Variants in QTRT1 observed in about 807,000 individuals in gnomAD.
The protein encoded by QTRT1 is queuine tRNA-ribosyltransferase catalytic subunit 1, also known as TGT, 43-KD subunit.
A neutral mutation model predicts 44.0 loss-of-function variants in QTRT1; 41 were observed. The observed-to-expected ratio is 0.93, with a 90% CI of 0.73 to 1.21. The LOEUF is 1.21. Among genes scored for constraint, QTRT1 ranks in the 50% most tolerant of loss-of-function variants. QTRT1 has a pLI of 0.00. For missense variants in QTRT1, 542 were observed against 575.8 expected, an observed-to-expected ratio of 0.94 and a Z score of 0.60; for synonymous variants, 226 against 237.1, an observed-to-expected ratio of 0.95 and a Z score of 0.43.
At chr19:10,703,316 C>T (rs560997159) in intron 3 of QTRT1, among the ~76,000 whole-genome samples, 1 of 152,098 alleles carries the variant, frequency 6.6e-6, no homozygotes, top group South Asian at 2.1e-4. Flanking sequence ...CCTGCTTCGG[C>T]CTCGCAGAGT....
At chr19:10,707,851 A>C (rs770809076) in intron 5 of QTRT1, among the ~76,000 whole-genome samples, 4 of 150,610 alleles carry the variant, frequency 2.7e-5, no homozygotes, top group Non-Finnish European at 3.0e-5. Flanking sequence ...TTTTTTTGAG[A>C]CGGAGTCTCA....
At position 10,713,013 on chromosome 19, in the gene QTRT1, C is replaced by CG; in HGVS notation, c.1032_1033insG (p.Leu345AlafsTer49). 6.2e-7 allele frequency: 1 copy of CG among 1,611,656 alleles called. No individual in the cohort carries two copies. The highest frequency in any genetic ancestry group is 8.5e-7 in the Non-Finnish European group (1 of 1,179,916). On this transcript the variant is annotated frameshift_variant, in exon 9 of 10. Transcript: ENST00000250237. LOFTEE classifies it high-confidence loss of function. This position sits in a 1 kb window ranked among gnomAD's most constrained non-coding sequence, Gnocchi z 4.3. ...GTGACAACACGGCCGCGCTGCACCACCTCACGGTCCACAACATCGCCTACC... is the reference window on the plus strand; with the variant it reads ...GTGACAACACGGCCGCGCTGCACCACGCTCACGGTCCACAACATCGCCTACC...
Position 10,712,967 on chromosome 19 carries a change from T to C in QTRT1, c.986T>C (p.Phe329Ser), listed in dbSNP as rs2068746099. The C allele has an allele frequency of 6.2e-7, 1 of 1,612,798 alleles. No homozygotes were observed. Among genetic ancestry groups the C allele is most frequent in the Non-Finnish European group, 8.5e-7 (1 of 1,179,934 alleles). The change falls in exon 9 of 10, where the codon TTC becomes TCC. Residue 329 changes from phenylalanine to serine, a missense_variant. Physicochemically the swap from Phe to Ser is radical, Grantham distance 155. Coordinates refer to ENST00000250237, the MANE Select transcript of QTRT1 (RefSeq NM_031209.3). The surrounding 1 kb of genome is among the most constrained non-coding windows in gnomAD (Gnocchi z 5.6). ...CPTCQKHSRAFLHALLHSDNT... is the reference protein window; with the variant it reads ...CPTCQKHSRASLHALLHSDNT... ...CCGCTCTACAGGCACAGCCGCGCCT[T>C]CCTGCACGCACTGCTGCACAGTGAC...
chr19:10,702,315 G>A (rs2145617440), intron 3 of QTRT1, 61 bp downstream of exon 3: 6 of 1,570,758 alleles, frequency 3.8e-6, no homozygotes, highest in Non-Finnish European at 5.2e-6. Flanking sequence ...AGTTTACACG[G>A]GGCCTGTTTT....
chr19:10,713,032 G>T lies in QTRT1; in HGVS notation c.1051G>T (p.Ala351Ser), dbSNP rs768481230. Residue 351 changes from alanine to serine, a missense_variant, in exon 9 of 10, where the codon GCC becomes TCC. Transcript: ENST00000250237. This position sits in a 1 kb window ranked among gnomAD's most constrained non-coding sequence, Gnocchi z 4.3. The stretch of plus-strand genomic sequence containing the variant: ...GCACCACCTCACGGTCCACAACATC[G>T]CCTACCAGGTGAGCCAGTGCCCGGG... The part of the protein sequence containing the change: ...ALHHLTVHNI[A>S]YQLQLMSAVR... 2 of 1,610,938 alleles carry T rather than the reference G, an allele frequency of 1.2e-6. No homozygotes were observed. The highest frequency in any genetic ancestry group is 3.3e-5 in the Admixed American group (2 of 59,986).
intron 3 of QTRT1, among the ~76,000 whole-genome samples, chr19:10,702,906 A>AT (rs946276380): frequency 2.9e-4 from 44 of 149,498 alleles, no homozygotes; most frequent in Admixed American, 2.9e-3. Context: ...AGTAGCTGGG[A>AT]TTACAGGTGT....
chr19:10,713,063 G>T lies in QTRT1; in HGVS notation c.1059+23G>T. 6.2e-7 allele frequency: 1 copy of T among 1,609,436 alleles called. No homozygotes were observed. On this transcript the variant is annotated intron_variant, in intron 9 of 9. Transcript: ENST00000250237. The surrounding 1 kb of genome is among the most constrained non-coding windows in gnomAD (Gnocchi z 4.3). Reference sequence around the variant, plus strand: ...CAGGTGAGCCAGTGCCCGGGGCAAGGTGGGCGGGGGTGTCCTAGGTGCGTA... The same window carrying T: ...CAGGTGAGCCAGTGCCCGGGGCAAGTTGGGCGGGGGTGTCCTAGGTGCGTA...
chr19:10,711,966 C>A, intron 5 of QTRT1, 195 bp from the exon 6 acceptor site: 1 of 665,500 alleles, frequency 1.5e-6, no homozygotes, highest in Non-Finnish European at 2.6e-6. Context: ...CCTAGACAGA[C>A]AGACAAACTG....
intron 5 of QTRT1, among the ~76,000 whole-genome samples, chr19:10,710,800 G>A (rs1230583220): frequency 6.6e-6 from 1 of 151,642 alleles, no homozygotes; most frequent in African/African-American, 2.4e-5. Context: ...GTGGGCGACT[G>A]TAGTCCCAGC....
intron 5 of QTRT1, among the ~76,000 whole-genome samples, chr19:10,707,990 C>G (rs2068722549): frequency 6.6e-6 from 1 of 151,184 alleles, no homozygotes; most frequent in South Asian, 2.1e-4. Flanking sequence ...CACTGTCGCC[C>G]AGGCTGGAGT....
At position 10,707,511 on chromosome 19, in the gene QTRT1, G is replaced by C; in HGVS notation, c.542G>C (p.Trp181Ser). The C allele has an allele frequency of 1.1e-5, 17 of 1,612,358 alleles. No individual in the cohort carries two copies. The highest frequency in any genetic ancestry group is 1.4e-5 in the Non-Finnish European group (17 of 1,178,746). The change falls in exon 5 of 10, where the codon TGG becomes TCG. Residue 181 changes from tryptophan to serine, a missense_variant. Physicochemically the swap from Trp to Ser is radical, Grantham distance 177. Coordinates refer to ENST00000250237, the MANE Select transcript of QTRT1 (RefSeq NM_031209.3). Reference protein sequence around the residue: ...VEEAMYRSIRWLDRCIAAHQR... With the variant: ...VEEAMYRSIRSLDRCIAAHQR... ...GGGCCCTGTTGCAGGTCAATCCGCT[G>C]GCTGGACCGGTGCATTGCAGCCCAT...
intron 3 of QTRT1, among the ~76,000 whole-genome samples, chr19:10,703,919 C>T (rs576413979): frequency 6.6e-6 from 1 of 151,776 alleles, no homozygotes; most frequent in South Asian, 2.1e-4. Flanking sequence ...AATCTCAGGT[C>T]ACTGCAACCT....
rs116990820 is a variant in QTRT1 at position 10,706,458 on chromosome 19, C to T, written c.452-844C>T. 5.0e-3 allele frequency among the ~76,000 whole-genome samples: 767 copies of T among 152,102 alleles called. 6 individuals are homozygous for T. Among genetic ancestry groups the T allele is most frequent in the Non-Finnish European group, 8.2e-3 (557 of 67,986 alleles). On this transcript the variant is annotated intron_variant, in intron 3 of 9. Transcript: ENST00000250237. ...TGCAATCTTAGCTCACCGCAACCTC[C>T]GTCTTCCGGGTTCAAGCGATTCTCC...
chr19:10,702,161 G>A lies in QTRT1; in HGVS notation c.358G>A (p.Val120Met), dbSNP rs760643976. 8 of 1,614,124 alleles carry A rather than the reference G, an allele frequency of 5.0e-6. No individual in the cohort carries two copies. Among genetic ancestry groups the A allele is most frequent in the African/African-American group, 2.7e-5 (2 of 75,022 alleles). ...QMVSLVSLSEVTEEGVRFRSP... is the reference protein window; with the variant it reads ...QMVSLVSLSEMTEEGVRFRSP... ...GGTGTCGCTGGTGTCTCTGTCCGAGGTGACGGAGGAGGGCGTCCGCTTCCG... is the reference window on the plus strand; with the variant it reads ...GGTGTCGCTGGTGTCTCTGTCCGAGATGACGGAGGAGGGCGTCCGCTTCCG... The change falls in exon 3 of 10, where the codon GTG becomes ATG. Residue 120 changes from valine to methionine, a missense_variant. Physicochemically the swap from Val to Met is conservative, Grantham distance 21. Transcript: ENST00000250237.
In QTRT1 at chr19:10,707,628, G is replaced by T. The variant is rs112327396; in HGVS notation, c.646+13G>T. The T allele has an allele frequency of 6.4e-7, 1 of 1,573,262 alleles. No homozygotes were observed. Among genetic ancestry groups the T allele is most frequent in the Non-Finnish European group, 8.7e-7 (1 of 1,155,342 alleles). On this transcript the variant is annotated intron_variant, in intron 5 of 9. Coordinates refer to ENST00000250237, the MANE Select transcript of QTRT1 (RefSeq NM_031209.3). ...ACCTGCCTTGAAGGTAGAGCCATGC[G>T]CTGGCAGGCCCAGGGCTTGGCCATC... is the stretch of plus-strand genomic sequence containing the variant.
chr19:10,704,437 G>A (rs996203151), intron 3 of QTRT1, among the ~76,000 whole-genome samples: 1 of 151,010 alleles, frequency 6.6e-6, no homozygotes, highest in Non-Finnish European at 1.5e-5. Context: ...GGGACTACAG[G>A]CACCCGCCAT....
In QTRT1 at chr19:10,712,245, C is replaced by T. The variant is rs780470865; in HGVS notation, c.731C>T (p.Ala244Val). The stretch of plus-strand genomic sequence containing the variant: ...AAGTCGCAGTTCTGGCGGATGGTGG[C>T]GCTGAGCACCTCTCGGCTGCCGAAG... ...ESKSQFWRMV[A>V]LSTSRLPKDK... is the part of the protein sequence containing the mutation. The change falls in exon 6 of 10, where the codon GCG (alanine) becomes GTG (valine). Residue 244 changes from alanine to valine, a missense_variant. Ala to Val is a moderately conservative substitution (Grantham distance 64, BLOSUM62 0). Coordinates refer to ENST00000250237, the MANE Select transcript of QTRT1 (RefSeq NM_031209.3). This position sits in a 1 kb window ranked among gnomAD's most constrained non-coding sequence, Gnocchi z 5.6. The T allele has an allele frequency of 9.3e-6, 15 of 1,614,050 alleles. No individual in the cohort carries two copies. The highest frequency in any genetic ancestry group is 2.2e-5 in the East Asian group (1 of 44,888).
At chr19:10,709,106 T>G (rs2068727501) in intron 5 of QTRT1, 1 of 152,246 alleles carries the variant, frequency 6.6e-6, no homozygotes, top group African/African-American at 2.4e-5. Context: ...CGGGTTGAAC[T>G]GGGCAGCTGG....
At position 10,712,748 on chromosome 19, in the gene QTRT1, T is replaced by C. The variant is rs115606321; in HGVS notation, c.862-10T>C. 1,894 of 1,612,974 alleles carry C rather than the reference T, an allele frequency of 1.2e-3. 17 individuals are homozygous for C. The African/African-American group carries it at 0.02, about 17-fold the overall frequency. ...GTGACGCCCCTTTCCCTGCCCTTCCTCTCCCACAGCGCTTTGGCTCTGCCC... is the reference window on the plus strand; with the variant it reads ...GTGACGCCCCTTTCCCTGCCCTTCCCCTCCCACAGCGCTTTGGCTCTGCCC... On this transcript the variant is annotated splice_polypyrimidine_tract_variant and intron_variant, in intron 7 of 9. Transcript: ENST00000250237. This position sits in a 1 kb window ranked among gnomAD's most constrained non-coding sequence, Gnocchi z 5.6.
Sources: gnomAD v4.1 joint callset for allele counts (sites outside exome capture counted in the v4.1 genomes callset) on GRCh38, gnomAD v4.1.1 for gene constraint, Gnocchi (gnomAD v3.1) non-coding constraint, MANE v1.5 for transcripts, NCBI Gene and HGNC (gene_info 2026-07-23, HGNC 2026-07-21) for gene names.